The following CHLSN variants were observed in gnomAD, a reference collection of about 807,000 sequenced individuals.
CHLSN encodes cholesin.
the CHLSN span, chr7:1,021,458 C>G: frequency 7.4e-5 from 73 of 985,346 alleles, no homozygotes; most frequent in African/African-American, 1.2e-3. Context: ...TAAGTCTGAT[C>G]GGCAGTGGTG....
the CHLSN span, among the ~76,000 whole-genome samples, chr7:1,130,392 C>T: frequency 4.6e-5 from 7 of 152,226 alleles, no homozygotes; most frequent in Non-Finnish European, 8.8e-5. Context: ...GGGGTGGCAG[C>T]GGGCAGGGAC....
chr7:978,074 CTCTG>C, the CHLSN span, among the ~76,000 whole-genome samples: 2 of 152,240 alleles, frequency 1.3e-5, no homozygotes, highest in Non-Finnish European at 2.9e-5. Context: ...CCCTAAGCCT[CTCTG>C]TCTGGGAGCC....
At chr7:1,018,465 C>T in the CHLSN span, among the ~76,000 whole-genome samples, 3 of 151,944 alleles carry the variant, frequency 2.0e-5, no homozygotes, top group Admixed American at 6.6e-5. Flanking sequence ...GGAGACATGA[C>T]GAGGGAGTCG....
the CHLSN span, among the ~76,000 whole-genome samples, chr7:981,519 TC>T: frequency 6.7e-6 from 1 of 149,536 alleles, no homozygotes. Flanking sequence ...ATCGAGACTG[TC>T]CTGGCCAACA....
chr7:1,053,182 C>T, the CHLSN span, among the ~76,000 whole-genome samples: 107 of 150,218 alleles, frequency 7.1e-4, no homozygotes, highest in African/African-American at 2.5e-3. Flanking sequence ...CGGGAGACCA[C>T]GGACAGGCAA....
the CHLSN span, among the ~76,000 whole-genome samples, chr7:1,070,268 G>GC: frequency 7.0e-6 from 1 of 143,510 alleles, no homozygotes; most frequent in Admixed American, 6.8e-5. Flanking sequence ...GGGGGGGTCA[G>GC]CCCCCCGCCC....
At chr7:986,845 G>T in the CHLSN span, 1 of 1,465,258 alleles carries the variant, frequency 6.8e-7, no homozygotes, top group South Asian at 1.4e-5. Context: ...GGGTCCTGAG[G>T]GACACCCCAG....
the CHLSN span, among the ~76,000 whole-genome samples, chr7:1,071,065 C>T: frequency 0.037 from 5,562 of 152,360 alleles, 323 homozygotes; most frequent in African/African-American, 0.12. Context: ...CCACCGGAGC[C>T]AGCCTCATGG....
chr7:1,015,756 C>A, the CHLSN span, among the ~76,000 whole-genome samples: 1 of 152,200 alleles, frequency 6.6e-6, no homozygotes, highest in Non-Finnish European at 1.5e-5. Flanking sequence ...CTCGTGGAGG[C>A]ACCAAGGCAG....
chr7:997,679 G>T, the CHLSN span: 1 of 1,610,456 alleles, frequency 6.2e-7, no homozygotes, highest in Non-Finnish European at 8.5e-7. Flanking sequence ...CCGGCAGGGG[G>T]GGATCAGAGC....
the CHLSN span, among the ~76,000 whole-genome samples, chr7:1,133,990 G>A: frequency 1.3e-5 from 2 of 152,072 alleles, no homozygotes; most frequent in African/African-American, 4.8e-5. Flanking sequence ...TTTTTTGTGG[G>A]AATGGGGTTT....
chr7:993,244 C>T, the CHLSN span, among the ~76,000 whole-genome samples: 13 of 152,160 alleles, frequency 8.5e-5, no homozygotes, highest in Non-Finnish European at 1.5e-4. Flanking sequence ...AGAGAGCGCC[C>T]GTTCCCTGGG....
chr7:1,009,337 C>T, the CHLSN span, among the ~76,000 whole-genome samples: 1 of 152,182 alleles, frequency 6.6e-6, no homozygotes, highest in Non-Finnish European at 1.5e-5. Flanking sequence ...CTCAGGGAGA[C>T]GGACAGGAAC....
the CHLSN span, among the ~76,000 whole-genome samples, chr7:1,045,027 G>A: frequency 6.6e-6 from 1 of 152,258 alleles, no homozygotes; most frequent in Non-Finnish European, 1.5e-5. Context: ...TCTGTGATTA[G>A]TATTTTAAAG....
chr7:990,333 G>A, the CHLSN span, among the ~76,000 whole-genome samples: 89 of 110,454 alleles, frequency 8.1e-4, no homozygotes, highest in African/African-American at 3.2e-3. Context: ...TGACAGTGGC[G>A]CGTGTGCTGG....
the CHLSN span, among the ~76,000 whole-genome samples, chr7:1,081,723 C>T: frequency 8.3e-6 from 1 of 119,962 alleles, no homozygotes; most frequent in Non-Finnish European, 1.7e-5. Flanking sequence ...ACAGGGAGGC[C>T]TCTCGAACCC....
chr7:1,137,634 T>C, the CHLSN span: 7 of 151,976 alleles, frequency 4.6e-5, no homozygotes, highest in Admixed American at 2.0e-4. Context: ...TGAGACCCCA[T>C]TTCTACAAAA....
chr7:1,022,967 C>T, the CHLSN span: 13 of 472,854 alleles, frequency 2.7e-5, no homozygotes, highest in Admixed American at 1.5e-4. Flanking sequence ...GCTCTGTCGT[C>T]GAGGCGCTCA....
chr7:1,009,555 G>A, the CHLSN span, among the ~76,000 whole-genome samples: 1 of 152,202 alleles, frequency 6.6e-6, no homozygotes, highest in South Asian at 2.1e-4. Flanking sequence ...GCTCTTGGGT[G>A]GCAGTGGCGC....
Sources: allele counts gnomAD v4.1 joint callset (sites outside exome capture counted in the v4.1 genomes callset), GRCh38; gene constraint gnomAD v4.1.1; transcripts MANE v1.5; gene names NCBI Gene and HGNC (gene_info 2026-07-23, HGNC 2026-07-21).